The following FAT4 variants were observed in gnomAD, a reference collection of about 807,000 sequenced individuals.
The protein encoded by FAT4 is protocadherin Fat 4.
Under a neutral mutation model 303.9 loss-of-function variants are expected in FAT4, and 84 were observed. The ratio of observed to expected loss-of-function variants is 0.28; its 90% CI spans 0.23 to 0.33. The LOEUF (loss-of-function observed/expected upper bound fraction) is 0.33. Among genes scored for constraint, FAT4 ranks in the 10% least tolerant of loss-of-function variants. FAT4 has a pLI of 1.00. For missense variants in FAT4, 6,005 were observed against 6,146.8 expected (o/e 0.98, Z 0.77); for synonymous variants, 2,307 against 2,298.8 (o/e 1.00, Z -0.10).
At chr4:125,479,567 A>G (rs944621099) in intron 14 of FAT4, among the ~76,000 whole-genome samples, 174 bp from the exon 15 acceptor site, 10 of 152,322 alleles carry the variant, frequency 6.6e-5, no homozygotes, top group African/African-American at 2.4e-4. Flanking sequence ...GAGGCAGACT[A>G]TGTTTTCTAG....
At chr4:125,370,263 A>G (rs1209439939) in intron 2 of FAT4, among the ~76,000 whole-genome samples, 2 of 152,180 alleles carry the variant, frequency 1.3e-5, no homozygotes, top group African/African-American at 4.8e-5. Context: ...TATGTTTCAT[A>G]CTGTGTTAAG....
At chr4:125,370,961 C>T (rs1182987258) in intron 2 of FAT4, among the ~76,000 whole-genome samples, 10 of 151,868 alleles carry the variant, frequency 6.6e-5, no homozygotes, top group Non-Finnish European at 1.3e-4. Flanking sequence ...GCCTGGCCAA[C>T]GTGGTGAAAC....
At chr4:125,413,516 C>A (rs1288772665) in intron 5 of FAT4, among the ~76,000 whole-genome samples, 2 of 151,812 alleles carry the variant, frequency 1.3e-5, no homozygotes, top group African/African-American at 2.4e-5. Flanking sequence ...GTTAATAAGT[C>A]ATTGTCTGAA....
chr4:125,338,645 A>G (rs1731662220), intron 2 of FAT4, among the ~76,000 whole-genome samples: 1 of 152,156 alleles, frequency 6.6e-6, no homozygotes. Flanking sequence ...AGAAAATCTA[A>G]AAGATTGCTG....
In FAT4 at chr4:125,452,703, C is replaced by A. The variant is rs138275098; in HGVS notation, c.11693C>A (p.Ala3898Glu). The A allele has an allele frequency of 6.2e-7, 1 of 1,613,994 alleles. No individual in the cohort carries two copies. Among genetic ancestry groups the A allele is most frequent in the Non-Finnish European group, 8.5e-7 (1 of 1,179,994 alleles). The change falls in exon 10 of 18, where the codon GCG (alanine) becomes GAG (glutamate). Residue 3898 changes from alanine (A) to glutamate (E), a missense_variant. By Grantham distance (107) the Ala-to-Glu change is moderately radical. Coordinates refer to ENST00000394329, the MANE Select transcript of FAT4 (RefSeq NM_001291303.3). ...CSCPDGFTGRACERDINECLQ... is the reference protein window; with the variant it reads ...CSCPDGFTGRECERDINECLQ... ...TGCCCAGATGGCTTCACTGGTAGGG[C>A]GTGTGAGAGAGATATCAATGAGTGC... is the stretch of plus-strand genomic sequence containing the variant.
chr4:125,318,071 G>A lies in FAT4; in HGVS notation c.1660G>A (p.Ala554Thr), dbSNP rs781574039. The A allele has an allele frequency of 3.7e-6, 6 of 1,614,002 alleles. No individual in the cohort carries two copies. Among genetic ancestry groups the A allele is most frequent in the African/African-American group, 2.7e-5 (2 of 74,900 alleles). ...TTCCCAGATTGTTCTGAATATAAGT[G>A]CCCGGGACCAGGGAGTTCACCCCAA... is the stretch of plus-strand genomic sequence containing the variant. ...LASQIVLNIS[A>T]RDQGVHPKVS... is the part of the protein sequence containing the mutation. Residue 554 changes from alanine (A) to threonine (T), a missense_variant, in exon 2 of 18, where the codon GCC (alanine) becomes ACC (threonine). Coordinates refer to ENST00000394329, the MANE Select transcript of FAT4 (RefSeq NM_001291303.3).
intron 11 of FAT4, among the ~76,000 whole-genome samples, chr4:125,464,151 G>A (rs1289453564): frequency 2.0e-5 from 3 of 152,056 alleles, no homozygotes; most frequent in African/African-American, 4.8e-5. Flanking sequence ...GAAGGACTTA[G>A]TAACTATACC....
chr4:125,469,602 T>G (rs1258611540), intron 12 of FAT4, among the ~76,000 whole-genome samples: 1 of 152,350 alleles, frequency 6.6e-6, no homozygotes, highest in Middle Eastern at 3.4e-3. Context: ...AGTTGTATCT[T>G]AATAAACCGC....
chr4:125,366,779 T>C (rs1732903707), intron 2 of FAT4, among the ~76,000 whole-genome samples: 1 of 152,010 alleles, frequency 6.6e-6, no homozygotes, highest in Non-Finnish European at 1.5e-5. Context: ...TTTGACTTTT[T>C]AGTAATAGCC....
chr4:125,482,164 A>G (rs1727253628), intron 16 of FAT4, among the ~76,000 whole-genome samples: 1 of 152,224 alleles, frequency 6.6e-6, no homozygotes, highest in African/African-American at 2.4e-5. Flanking sequence ...GATTAGAATA[A>G]GGAAAAACAT....
Position 125,416,556 on chromosome 4 carries a change from G to C in FAT4, c.6952G>C (p.Val2318Leu). 1 of 1,613,998 alleles carries C rather than the reference G, an allele frequency of 6.2e-7. No individual in the cohort carries two copies. Among genetic ancestry groups the C allele is most frequent in the Non-Finnish European group, 8.5e-7 (1 of 1,179,894 alleles). ...TCTCTCAGCCAGTGGAGAACTTGGA[G>C]TAACACAGAGTCTGGATCGGGAAAC... ...FTLSASGELG[V>L]TQSLDRETKE... The change falls in exon 7 of 18, where the codon GTA becomes CTA. Residue 2318 changes from valine (V) to leucine (L), a missense_variant. By Grantham distance (32) the Val-to-Leu change is conservative. Transcript: ENST00000394329.
intron 2 of FAT4, among the ~76,000 whole-genome samples, chr4:125,359,879 G>T (rs1490600728): frequency 6.6e-6 from 1 of 152,122 alleles, no homozygotes; most frequent in African/African-American, 2.4e-5. Flanking sequence ...ACAGGCTCCA[G>T]CCTGGATCTC....
At position 125,317,144 on chromosome 4, in the gene FAT4, G is replaced by A. The variant is rs563002306; in HGVS notation, c.733G>A (p.Asp245Asn). The A allele has an allele frequency of 1.8e-5, 29 of 1,612,116 alleles. 1 individual carries two copies. In the South Asian group the frequency reaches 3.0e-4, roughly 16 times the overall value. ...AAACGTGACTGTGCAAGACATTAAT[G>A]ACAACCCCCCGGTTTTTGGCAGTTC... ...QVNVTVQDIN[D>N]NPPVFGSSHY... Residue 245 changes from aspartate to asparagine, a missense_variant, in exon 2 of 18, where the codon GAC (aspartate) becomes AAC (asparagine). Physicochemically the swap from Asp to Asn is conservative, Grantham distance 23. Coordinates refer to ENST00000394329, the MANE Select transcript of FAT4 (RefSeq NM_001291303.3). The surrounding 1 kb of genome is among the most constrained non-coding windows in gnomAD (Gnocchi z 7.0).
intron 2 of FAT4, among the ~76,000 whole-genome samples, chr4:125,398,164 A>G (rs767911361): frequency 6.6e-6 from 1 of 152,180 alleles, no homozygotes; most frequent in Non-Finnish European, 1.5e-5. Flanking sequence ...CAAAGCTGTT[A>G]ATATTTGCAA....
chr4:125,400,821 T>C (rs138838015), intron 3 of FAT4, among the ~76,000 whole-genome samples: 137 of 152,092 alleles, frequency 9.0e-4, no homozygotes, highest in Middle Eastern at 6.8e-3. Flanking sequence ...AGAAGTACTT[T>C]TGAGATGAGA....
intron 2 of FAT4, among the ~76,000 whole-genome samples, chr4:125,385,156 G>T (rs1380718598): frequency 6.6e-6 from 1 of 151,364 alleles, no homozygotes; most frequent in Non-Finnish European, 1.5e-5. Flanking sequence ...TGAGTAGCTG[G>T]AACTACAGGC....
chr4:125,420,108 T>C (rs1735232335), intron 7 of FAT4, among the ~76,000 whole-genome samples: 1 of 152,254 alleles, frequency 6.6e-6, no homozygotes, highest in South Asian at 2.1e-4. Context: ...AGGACTTGTC[T>C]GACCAGTAAT....
chr4:125,449,698 A>G lies in FAT4; in HGVS notation c.8688A>G (p.Val2896=). 1 of 1,613,978 alleles carries G rather than the reference A, an allele frequency of 6.2e-7. No individual in the cohort carries two copies. The highest frequency in any genetic ancestry group is 8.5e-7 in the Non-Finnish European group (1 of 1,179,912). ...AGATTGGCTCCAAAGTAACTCAGGT[A>G]TTTGCAACAGATCCTGATGAGGGAT... is the stretch of plus-strand genomic sequence containing the variant. ...LTEIGSKVTQ[V]FATDPDEGSN... Residue 2896 remains valine, a synonymous_variant, in exon 10 of 18, where the codon GTA becomes GTG. Transcript: ENST00000394329.
intron 7 of FAT4, among the ~76,000 whole-genome samples, chr4:125,426,187 G>A (rs560537643): frequency 6.6e-6 from 1 of 152,104 alleles, no homozygotes; most frequent in Admixed American, 6.5e-5. Flanking sequence ...TTTTACATCC[G>A]AAGATAATTG....
Sources: allele counts gnomAD v4.1 joint callset (sites outside exome capture counted in the v4.1 genomes callset), GRCh38; gene constraint gnomAD v4.1.1; non-coding constraint Gnocchi (gnomAD v3.1); transcripts MANE v1.5; gene names NCBI Gene and HGNC (gene_info 2026-07-23, HGNC 2026-07-21).